Variants in MTMR4 observed in about 807,000 individuals in gnomAD.
The protein encoded by MTMR4 is myotubularin related protein 4, also known as phosphatidylinositol-3,5-bisphosphate 3-phosphatase MTMR4.
In MTMR4, 30 loss-of-function variants were observed where a neutral mutation model predicts 125.5. The ratio of observed to expected loss-of-function variants is 0.24; its 90% CI spans 0.18 to 0.32. The LOEUF is 0.32. MTMR4 is among the 10% of genes least tolerant of loss of function. MTMR4 has a pLI of 1.00. For synonymous variants in MTMR4, 498 were observed against 564.5 expected (o/e 0.88, Z 1.67); for missense variants, 1,039 against 1,511.5 (o/e 0.69, Z 5.18).
chr17:58,495,880 A>T lies in MTMR4; in HGVS notation c.2304T>A (p.His768Gln). 2.5e-6 allele frequency: 4 copies of T among 1,614,084 alleles called. No individual in the cohort carries two copies. The highest frequency in any genetic ancestry group is 1.6e-4 in the Middle Eastern group (1 of 6,062). Reference sequence around the variant, plus strand: ...CACTGACAGCTTCTGTTTCAGGACAATGTTCAGGTGGCTCCCCTATGCCAT... The same window carrying T: ...CACTGACAGCTTCTGTTTCAGGACATTGTTCAGGTGGCTCCCCTATGCCAT... ...TLDGIGEPPE[H>Q]CPETEAVSAL... The change falls in exon 15 of 18, where the codon CAT (histidine) becomes CAA (glutamine). Residue 768 changes from histidine to glutamine, a missense_variant. This residue lies in a region of MTMR4 where 619 missense variants were observed against 714.5 expected (regional missense o/e 0.87). Coordinates refer to ENST00000682306, the MANE Select transcript of MTMR4 (RefSeq NM_001378067.1).
chr17:58,493,692 A>C (rs1975374702), intron 15 of MTMR4, among the ~76,000 whole-genome samples: 1 of 152,134 alleles, frequency 6.6e-6, no homozygotes, highest in African/African-American at 2.4e-5. Context: ...GAGTAGTTGC[A>C]ACATAGACGG....
At chr17:58,493,985 G>T (rs754835416) in intron 15 of MTMR4, among the ~76,000 whole-genome samples, 1 of 152,022 alleles carries the variant, frequency 6.6e-6, no homozygotes, top group Non-Finnish European at 1.5e-5. Flanking sequence ...GACCTTACCA[G>T]CCTCCCAATC....
At chr17:58,514,174 C>T (rs1467899873) in intron 1 of MTMR4, 189 bp downstream of exon 1, 5 of 405,102 alleles carry the variant, frequency 1.2e-5, no homozygotes, top group Non-Finnish European at 1.7e-5. Context: ...TCCTGGCCTT[C>T]GACCATCTCC....
intron 9 of MTMR4, 99 bp downstream of exon 9, chr17:58,506,644 G>A: frequency 6.8e-7 from 1 of 1,479,864 alleles, no homozygotes; most frequent in Middle Eastern, 2.4e-4. Flanking sequence ...AGCCAGGTTT[G>A]TTTGGGCTCT....
Position 58,495,065 on chromosome 17 carries a change from C to T in MTMR4, c.3119G>A (p.Arg1040Gln), listed in dbSNP as rs201831871. ...TTGTTTGTACCCTGCTTCGATTTGC[C>T]GTAACCTATGCTGGATCACATCCGT... is the stretch of plus-strand genomic sequence containing the variant. ...FPTDVIQHRLRQIEAGYKQEV... is the reference protein window; with the variant it reads ...FPTDVIQHRLQQIEAGYKQEV... The change falls in exon 15 of 18, where the codon CGG becomes CAG. Residue 1040 changes from arginine (R) to glutamine (Q), a missense_variant. Arg to Gln is a conservative substitution (Grantham distance 43). Transcript: ENST00000682306. The T allele has an allele frequency of 5.1e-5, 83 of 1,614,064 alleles. No homozygotes were observed. Among genetic ancestry groups the T allele is most frequent in the Non-Finnish European group, 2.8e-5 (33 of 1,180,052 alleles).
chr17:58,504,587 A>T lies in MTMR4; in HGVS notation c.1342-99T>A. On this transcript the variant is annotated intron_variant, in intron 11 of 17. Transcript: ENST00000682306. This position sits in a 1 kb window ranked among gnomAD's most constrained non-coding sequence, Gnocchi z 7.1. ...CAAAGCAGGAAGCTGGCAGCTTCAA[A>T]GAAAAATAGGACTGGACCTAGAAGA... 2 of 1,437,870 alleles carry T rather than the reference A, an allele frequency of 1.4e-6. No individual in the cohort carries two copies. The highest frequency in any genetic ancestry group is 1.9e-6 in the Non-Finnish European group (2 of 1,065,456). The allele number at this position is 1,437,870 out of a possible 1,614,324, so 89.1% of individuals were successfully genotyped here.
In MTMR4 at chr17:58,504,534, C is replaced by T. The variant is rs1735356487; in HGVS notation, c.1342-46G>A. On this transcript the variant is annotated intron_variant, in intron 11 of 17. Coordinates refer to ENST00000682306, the MANE Select transcript of MTMR4 (RefSeq NM_001378067.1). The surrounding 1 kb of genome is among the most constrained non-coding windows in gnomAD (Gnocchi z 7.1). ...CAAACATAGGGCCTCTCTGGAAATG[C>T]TGATGTGCTACTCCCCTGGGAACTG... The T allele has an allele frequency of 6.3e-7, 1 of 1,588,524 alleles. No individual in the cohort carries two copies. The highest frequency in any genetic ancestry group is 8.6e-7 in the Non-Finnish European group (1 of 1,165,368).
At chr17:58,515,161 A>G, upstream of MTMR4, 1 of 574,774 alleles carries the variant, frequency 1.7e-6, no homozygotes, top group Non-Finnish European at 2.2e-6. Context: ...CCCTTGTTTC[A>G]CATTCTGATC....
At chr17:58,493,194 C>T (rs904493115) in intron 15 of MTMR4, among the ~76,000 whole-genome samples, 9 of 152,222 alleles carry the variant, frequency 5.9e-5, no homozygotes, top group African/African-American at 2.2e-4. Flanking sequence ...ACACTCTTAC[C>T]GATATGCTAC....
chr17:58,503,646 T>C, intron 14 of MTMR4, 98 bp downstream of exon 14: 5 of 1,425,076 alleles, frequency 3.5e-6, no homozygotes, highest in Non-Finnish European at 4.7e-6. Flanking sequence ...TGAGATTCCG[T>C]CTCAAAAAAA....
upstream of MTMR4, chr17:58,514,734 T>C: frequency 1.1e-6 from 1 of 922,588 alleles, no homozygotes; most frequent in Non-Finnish European, 1.3e-6. Context: ...GCCTCCTCCC[T>C]CCCCGCGGAC....
At position 58,509,415 on chromosome 17, in the gene MTMR4, C is replaced by CTT. The variant is rs11451825; in HGVS notation, c.336-576_336-575dup. 5.7e-4 allele frequency among the ~76,000 whole-genome samples: 77 copies of CTT among 134,746 alleles called. 1 individual carries two copies. Among genetic ancestry groups the CTT allele is most frequent in the South Asian group, 4.4e-3 (18 of 4,136 alleles). The allele number at this position is 134,746 out of a possible 152,430, so 88.4% of individuals were successfully genotyped here. A position where few individuals can be genotyped will look rare whatever the true frequency, so the allele number is the denominator to read the frequency against. ...ATGTGCTTGGAATATATATATATAC[C>CTT]TTTTTTTTTTTTTTTGAGAGAGGGT... is the stretch of plus-strand genomic sequence containing the variant. On this transcript the variant is annotated intron_variant, in intron 4 of 17. Transcript: ENST00000682306.
rs1400574861 is a variant in MTMR4, at chr17:58,490,551, TAGAC to T, written c.*1108_*1111del. The T allele has an allele frequency of 1.3e-5, 2 of 152,636 alleles. No homozygotes were observed. The highest frequency in any genetic ancestry group is 6.5e-5 in the Admixed American group (1 of 15,276). The allele number at this position is 152,636 out of a possible 1,614,324, so 9.5% of individuals were successfully genotyped here. A position where few individuals can be genotyped will look rare whatever the true frequency, so the allele number is the denominator to read the frequency against. On this transcript the variant is annotated 3_prime_UTR_variant, in exon 18 of 18. Coordinates refer to ENST00000682306, the MANE Select transcript of MTMR4 (RefSeq NM_001378067.1). The stretch of plus-strand genomic sequence containing the variant: ...GGTTCCATTGTTAAGTGCACAGAAA[TAGAC>T]AGCAGCATTTGTACTGAAACCCTCA...
At chr17:58,499,888 C>T (rs931550371) in intron 14 of MTMR4, among the ~76,000 whole-genome samples, 3 of 151,908 alleles carry the variant, frequency 2.0e-5, no homozygotes, top group Non-Finnish European at 4.4e-5. Flanking sequence ...CCTCGGCCTC[C>T]CAAAGTGCTG....
chr17:58,490,647 G>A lies in MTMR4; in HGVS notation c.*1016C>T, dbSNP rs951474010. ...AAATTCTACCCTCAAGGTGTCAAGT[G>A]TTCAGGATAAGAAGCAATGTGACCC... On this transcript the variant is annotated 3_prime_UTR_variant, in exon 18 of 18. Coordinates refer to ENST00000682306, the MANE Select transcript of MTMR4 (RefSeq NM_001378067.1). 3.3e-5 allele frequency: 5 copies of A among 152,604 alleles called. No individual in the cohort carries two copies. The highest frequency in any genetic ancestry group is 4.4e-5 in the Non-Finnish European group (3 of 68,042). The allele number at this position is 152,604 out of a possible 1,614,324, so 9.5% of individuals were successfully genotyped here.
chr17:58,497,624 C>T (rs1401467479), intron 14 of MTMR4, among the ~76,000 whole-genome samples: 1 of 152,170 alleles, frequency 6.6e-6, no homozygotes, highest in African/African-American at 2.4e-5. Context: ...CTGAAGTGTC[C>T]TGAAGGCAGG....
In MTMR4 at chr17:58,514,539, G is replaced by A; in HGVS notation, c.-132C>T. On this transcript the variant is annotated 5_prime_UTR_variant, in exon 1 of 18. Transcript: ENST00000682306. ...GCGGCGGCCAAGAGGCTAGGGCGCT[G>A]GTGGCCGGGCCTCCGCGCGGCTCCC... 1.0e-6 allele frequency: 1 copy of A among 985,146 alleles called. No individual in the cohort carries two copies. The allele number at this position is 985,146 out of a possible 1,614,324, so 61.0% of individuals were successfully genotyped here. A position where few individuals can be genotyped will look rare whatever the true frequency, so the allele number is the denominator to read the frequency against.
In MTMR4 at chr17:58,496,095, G is replaced by A; in HGVS notation, c.2089C>T (p.Gln697Ter). The A allele has an allele frequency of 6.2e-7, 1 of 1,614,152 alleles. No individual in the cohort carries two copies. Among genetic ancestry groups the A allele is most frequent in the Non-Finnish European group, 8.5e-7 (1 of 1,180,026 alleles). The change falls in exon 15 of 18, where the codon CAG becomes TAG. Residue 697 changes from glutamine (Q) to a stop codon, truncating the protein, a stop_gained. Transcript: ENST00000682306. LOFTEE classifies it high-confidence loss of function. ...GGTTTATTGCTCAAGTAGTCTTTCT[G>A]GCTGCTGGGCAGAGGAGGAGGAAGA... is the stretch of plus-strand genomic sequence containing the variant. The part of the protein sequence containing the change: ...VGLPPPLPSS[Q>*]KDYLSNKPFK...
At chr17:58,515,836 C>T (rs1822652244), upstream of MTMR4, among the ~76,000 whole-genome samples, 1 of 152,190 alleles carries the variant, frequency 6.6e-6, no homozygotes, top group African/African-American at 2.4e-5. Context: ...TAACCTGCCC[C>T]TAAGCACAAG....
Sources: allele counts gnomAD v4.1 joint callset (sites outside exome capture counted in the v4.1 genomes callset), GRCh38; gene constraint gnomAD v4.1.1; regional missense constraint gnomAD v4.1.1; non-coding constraint Gnocchi (gnomAD v3.1); transcripts MANE v1.5; gene names NCBI Gene and HGNC (gene_info 2026-07-23, HGNC 2026-07-21).